Variants in CDK14 observed in about 807,000 individuals in gnomAD.
CDK14 encodes the protein cyclin dependent kinase 14, also known as cyclin-dependent kinase 14.
CDK14 carries 34 observed loss-of-function variants against 60.7 expected under a neutral mutation model. The ratio of observed to expected loss-of-function variants is 0.56; its 90% confidence interval spans 0.43 to 0.75. The LOEUF (loss-of-function observed/expected upper bound fraction) is 0.75. CDK14 is among the 30% of genes least tolerant of loss of function. The pLI is 0.00. For missense variants in CDK14, 482 were observed against 564.1 expected (o/e 0.85, Z 1.47); for synonymous variants, 197 against 203.7 (o/e 0.97, Z 0.28).
At chr7:90,630,058 AAAACAAAACAAAACAAAACAAAACAAAAC>A (rs1289618254) in intron 2 of CDK14, among the ~76,000 whole-genome samples, 33 of 74,734 alleles carry the variant, frequency 4.4e-4, no homozygotes, top group Non-Finnish European at 7.1e-4. Flanking sequence ...AAAACAAAAC[AAAACAAAACAAAACAAAACAAAACAAAAC>A]ACCACACACA....
At chr7:90,904,793 T>C (rs1194526413) in intron 7 of CDK14, among the ~76,000 whole-genome samples, 1 of 151,936 alleles carries the variant, frequency 6.6e-6, no homozygotes, top group Non-Finnish European at 1.5e-5. Flanking sequence ...GAACACTGGG[T>C]TCAAAGAAAA....
chr7:90,711,396 A>G (rs1400250882), intron 2 of CDK14, among the ~76,000 whole-genome samples: 4 of 151,522 alleles, frequency 2.6e-5, no homozygotes, highest in African/African-American at 9.7e-5. Context: ...TTGGAAGATG[A>G]TGCGCCCTGT....
chr7:90,714,902 C>T (rs1802192012), intron 2 of CDK14, among the ~76,000 whole-genome samples: 1 of 151,940 alleles, frequency 6.6e-6, no homozygotes, highest in African/African-American at 2.4e-5. Context: ...TTTATATAGC[C>T]ATCTGTTTCG....
At chr7:91,092,936 A>C (rs1798873054) in intron 12 of CDK14, among the ~76,000 whole-genome samples, 1 of 152,220 alleles carries the variant, frequency 6.6e-6, no homozygotes, top group Non-Finnish European at 1.5e-5. Flanking sequence ...TTATTTGAAA[A>C]TCCCTCCTCC....
In CDK14 at chr7:90,913,213, C is replaced by A. The variant is rs1347505418; in HGVS notation, c.703-4388C>A. Among the ~76,000 whole-genome samples, 6 of 152,100 alleles carry A rather than the reference C, an allele frequency of 3.9e-5. No individual in the cohort carries two copies. The South Asian group carries it at 1.0e-3, about 26-fold the overall frequency. On this transcript the variant is annotated intron_variant, in intron 7 of 14. Coordinates refer to ENST00000380050, the MANE Select transcript of CDK14 (RefSeq NM_001287135.2). The stretch of plus-strand genomic sequence containing the variant: ...TTTAAATTAGAAAGTTAGGGACTTG[C>A]CTATTTGTCTAGAAGAACTCGCTAA...
At chr7:91,057,597 G>T (rs564598468) in intron 11 of CDK14, among the ~76,000 whole-genome samples, 3 of 152,292 alleles carry the variant, frequency 2.0e-5, no homozygotes, top group Non-Finnish European at 4.4e-5. Flanking sequence ...GTATAAGGAA[G>T]GGATCCATTT....
intron 13 of CDK14, among the ~76,000 whole-genome samples, chr7:91,116,197 C>G (rs1001841766): frequency 6.6e-6 from 1 of 152,212 alleles, no homozygotes; most frequent in Non-Finnish European, 1.5e-5. Flanking sequence ...GCTGAACTAC[C>G]CTTGTCAAAG....
intron 5 of CDK14, among the ~76,000 whole-genome samples, chr7:90,858,848 ACT>A (rs1041396957): frequency 1.3e-5 from 2 of 152,242 alleles, no homozygotes; most frequent in Non-Finnish European, 2.9e-5. Context: ...GCTTAAGGCT[ACT>A]GGGCTAGTTG....
intron 6 of CDK14, among the ~76,000 whole-genome samples, chr7:90,884,596 A>G (rs1355740417): frequency 6.6e-6 from 1 of 152,160 alleles, no homozygotes; most frequent in African/African-American, 2.4e-5. Flanking sequence ...TTTAAATTTC[A>G]TATGGAATCA....
In CDK14 at chr7:91,121,715, T is replaced by C. The variant is rs79078437; in HGVS notation, c.*28+3507T>C. ...AGGTGCCACTGGATTATCAAAATAC[T>C]GTGCTTCTTACATTTTGTTATCTTC... is the stretch of plus-strand genomic sequence containing the variant. On this transcript the variant is annotated intron_variant, in intron 14 of 14. Coordinates refer to ENST00000380050, the MANE Select transcript of CDK14 (RefSeq NM_001287135.2). Among the ~76,000 whole-genome samples, 4 of 152,364 alleles carry C rather than the reference T, an allele frequency of 2.6e-5. No homozygotes were observed. In the East Asian group the frequency reaches 7.7e-4, roughly 29 times the overall value.
chr7:90,779,758 AT>A (rs1805229537), intron 4 of CDK14, among the ~76,000 whole-genome samples: 2 of 152,196 alleles, frequency 1.3e-5, no homozygotes, highest in Non-Finnish European at 2.9e-5. Flanking sequence ...TATTAGATTT[AT>A]TTTTTGAAAG....
chr7:91,092,605 A>G (rs982868506), intron 12 of CDK14, among the ~76,000 whole-genome samples: 1 of 152,236 alleles, frequency 6.6e-6, no homozygotes, highest in Non-Finnish European at 1.5e-5. Context: ...TCTACAATGT[A>G]GCAACTGTTT....
At chr7:90,669,015 C>T (rs117360912) in intron 2 of CDK14, among the ~76,000 whole-genome samples, 2,428 of 152,150 alleles carry the variant, frequency 0.016, 31 homozygotes, top group Non-Finnish European at 0.027. Context: ...TGTGCCTGGC[C>T]TCACACACTT....
chr7:90,885,570 T>C (rs1791916320), intron 6 of CDK14, among the ~76,000 whole-genome samples: 1 of 152,184 alleles, frequency 6.6e-6, no homozygotes, highest in African/African-American at 2.4e-5. Flanking sequence ...ATAGGGTATA[T>C]ACCCAAAGGA....
chr7:90,778,860 C>T (rs1431097876), intron 4 of CDK14, among the ~76,000 whole-genome samples: 3 of 103,924 alleles, frequency 2.9e-5, no homozygotes, highest in African/African-American at 1.1e-4. Context: ...TCCTTCCTTC[C>T]TTCCTTCCTT....
Position 90,644,892 on chromosome 7 carries a change from C to T in CDK14, c.123+40643C>T, listed in dbSNP as rs555849589. 1.4e-4 allele frequency among the ~76,000 whole-genome samples: 22 copies of T among 152,274 alleles called. 1 individual carries two copies. Among genetic ancestry groups the T allele is most frequent in the African/African-American group, 5.1e-4 (21 of 41,550 alleles). On this transcript the variant is annotated intron_variant, in intron 2 of 14. Coordinates refer to ENST00000380050, the MANE Select transcript of CDK14 (RefSeq NM_001287135.2). ...ATGAGAATATACATATATGTTACTTCAAGAAATTCAGTCGAATTTAGCTTT... is the reference window on the plus strand; with the variant it reads ...ATGAGAATATACATATATGTTACTTTAAGAAATTCAGTCGAATTTAGCTTT...
intron 6 of CDK14, among the ~76,000 whole-genome samples, chr7:90,868,302 T>TATACAC (rs772124731): frequency 6.7e-6 from 1 of 149,280 alleles, no homozygotes. Flanking sequence ...TATATATATA[T>TATACAC]ACACACACAC....
intron 2 of CDK14, chr7:90,710,376 G>A: frequency 1.0e-6 from 1 of 985,266 alleles, no homozygotes; most frequent in South Asian, 4.7e-5. Flanking sequence ...TCAAGCAAGT[G>A]AAGGACGAGA....
At chr7:90,810,817 C>T (rs1423369557) in intron 5 of CDK14, among the ~76,000 whole-genome samples, 1 of 151,842 alleles carries the variant, frequency 6.6e-6, no homozygotes, top group East Asian at 1.9e-4. Context: ...TCTTATACAT[C>T]AGTAACAGAC....
Sources: gnomAD v4.1 joint callset for allele counts (sites outside exome capture counted in the v4.1 genomes callset) on GRCh38, gnomAD v4.1.1 for gene constraint, MANE v1.5 for transcripts, NCBI Gene and HGNC (gene_info 2026-07-23, HGNC 2026-07-21) for gene names.